Variants in SYT14 observed in about 807,000 individuals in gnomAD.
SYT14 encodes synaptotagmin-14.
A neutral mutation model predicts 74.2 loss-of-function variants in SYT14; 32 were observed. The ratio of observed to expected loss-of-function variants is 0.43; its 90% CI spans 0.33 to 0.58. SYT14 has a LOEUF of 0.58. Among genes scored for constraint, SYT14 ranks in the 20% least tolerant of loss-of-function variants. The pLI is 0.05. For missense variants in SYT14, 791 were observed against 981.8 expected (o/e 0.81, Z 2.60); for synonymous variants, 298 against 337.7 (o/e 0.88, Z 1.29).
chr1:209,948,298 C>G (rs1407532940), intron 1 of SYT14, among the ~76,000 whole-genome samples: 1 of 152,186 alleles, frequency 6.6e-6, no homozygotes, highest in Non-Finnish European at 1.5e-5. Context: ...ATCCCAGTTT[C>G]CAGTTACAGT....
chr1:210,088,875 T>G (rs1238273298), intron 5 of SYT14, among the ~76,000 whole-genome samples: 1 of 151,530 alleles, frequency 6.6e-6, no homozygotes, highest in East Asian at 1.9e-4. Flanking sequence ...ATCATTCTCT[T>G]CAGGATATTT....
At chr1:209,956,477 A>T (rs1572064584) in intron 2 of SYT14, among the ~76,000 whole-genome samples, 1 of 151,822 alleles carries the variant, frequency 6.6e-6, no homozygotes, top group African/African-American at 2.4e-5. Context: ...AGTGTGGGGG[A>T]AAAAAAGGGG....
chr1:210,025,224 C>T (rs1444960070), intron 5 of SYT14, among the ~76,000 whole-genome samples: 1 of 152,202 alleles, frequency 6.6e-6, no homozygotes, highest in Non-Finnish European at 1.5e-5. Context: ...GCTGCGTCTG[C>T]AGAAACTGCT....
At chr1:210,084,909 A>G (rs1249958872) in intron 5 of SYT14, among the ~76,000 whole-genome samples, 1 of 152,218 alleles carries the variant, frequency 6.6e-6, no homozygotes, top group Non-Finnish European at 1.5e-5. Flanking sequence ...CAAACCTGCA[A>G]TTCTCTAATC....
intron 3 of SYT14, among the ~76,000 whole-genome samples, chr1:210,014,109 G>A (rs1169933778): frequency 2.0e-5 from 3 of 152,122 alleles, no homozygotes; most frequent in Non-Finnish European, 4.4e-5. Flanking sequence ...GTTACTTTGT[G>A]TAGTGTACTT....
At chr1:210,110,293 A>G (rs1343753437) in intron 7 of SYT14, among the ~76,000 whole-genome samples, 3 of 152,188 alleles carry the variant, frequency 2.0e-5, no homozygotes, top group Non-Finnish European at 4.4e-5. Context: ...AGAAGATTGA[A>G]TCAAGGACCA....
intron 7 of SYT14, among the ~76,000 whole-genome samples, chr1:210,111,203 T>C (rs1037112589): frequency 1.3e-5 from 2 of 151,778 alleles, no homozygotes; most frequent in Non-Finnish European, 2.9e-5. Context: ...TGAAGGGAGA[T>C]AGGGGTGGGG....
At chr1:210,166,030 A>G (rs1043863012) in exon 10 of SYT14, 9 of 152,238 alleles carry the variant, frequency 5.9e-5, no homozygotes, top group Non-Finnish European at 1.3e-4. Context: ...ACAGAATGGG[A>G]TAATTTCAGG....
intron 2 of SYT14, among the ~76,000 whole-genome samples, chr1:209,977,353 C>G (rs991921043): frequency 6.6e-6 from 1 of 152,114 alleles, no homozygotes; most frequent in African/African-American, 2.4e-5. Flanking sequence ...CTGGTTGTTC[C>G]TTTCCATGTT....
intron 5 of SYT14, among the ~76,000 whole-genome samples, chr1:210,064,046 C>T (rs1042946964): frequency 6.6e-5 from 10 of 151,874 alleles, no homozygotes; most frequent in African/African-American, 1.7e-4. Context: ...TTTTAGTTAT[C>T]CCACACTAGT....
chr1:210,121,743 A>G (rs868530860), intron 7 of SYT14, among the ~76,000 whole-genome samples: 36 of 151,828 alleles, frequency 2.4e-4, no homozygotes, highest in East Asian at 9.7e-4. Flanking sequence ...GCAGTGAGCC[A>G]AGATCGCACC....
chr1:210,058,852 G>C (rs1363385327), intron 5 of SYT14, among the ~76,000 whole-genome samples: 1 of 152,170 alleles, frequency 6.6e-6, no homozygotes, highest in Admixed American at 6.5e-5. Flanking sequence ...CAAGGTGCTG[G>C]ATGGAGTAAA....
chr1:210,112,122 C>T (rs1183288040), intron 7 of SYT14, among the ~76,000 whole-genome samples: 1 of 151,274 alleles, frequency 6.6e-6, no homozygotes, highest in Admixed American at 6.6e-5. Flanking sequence ...ACTGCAGTGG[C>T]TTTCTCAGAC....
intron 2 of SYT14, among the ~76,000 whole-genome samples, chr1:210,008,919 T>G (rs2102904967): frequency 6.6e-6 from 1 of 152,330 alleles, no homozygotes; most frequent in East Asian, 1.9e-4. Flanking sequence ...TAATTGATGG[T>G]GTACAGCAGG....
chr1:210,075,146 G>A (rs946237550), intron 5 of SYT14, among the ~76,000 whole-genome samples: 38 of 152,208 alleles, frequency 2.5e-4, no homozygotes, highest in African/African-American at 7.9e-4. Context: ...ACTTGGCCTC[G>A]TCCAGCCAAA....
intron 7 of SYT14, among the ~76,000 whole-genome samples, chr1:210,121,618 C>T (rs1044423691): frequency 4.6e-5 from 7 of 151,980 alleles, no homozygotes; most frequent in South Asian, 2.1e-4. Context: ...CATGGTGAAA[C>T]TCTGTCTCTA....
chr1:210,117,461 A>G (rs1572332913), intron 7 of SYT14, among the ~76,000 whole-genome samples: 1 of 152,164 alleles, frequency 6.6e-6, no homozygotes, highest in Non-Finnish European at 1.5e-5. Context: ...AACAATTTGT[A>G]ATAAATACTT....
intron 1 of SYT14, among the ~76,000 whole-genome samples, chr1:209,947,930 C>T (rs2078848262): frequency 6.6e-6 from 1 of 152,142 alleles, no homozygotes; most frequent in African/African-American, 2.4e-5. Context: ...CCTTCGCCAG[C>T]AAAAAGATAG....
At chr1:210,066,373 C>T (rs61826851) in intron 5 of SYT14, among the ~76,000 whole-genome samples, 1 of 152,040 alleles carries the variant, frequency 6.6e-6, no homozygotes, top group Non-Finnish European at 1.5e-5. Flanking sequence ...TTTCTCCACA[C>T]CTTCTCCAGC....
Sources: gnomAD v4.1 joint callset for allele counts (sites outside exome capture counted in the v4.1 genomes callset) on GRCh38, gnomAD v4.1.1 for gene constraint, MANE v1.5 for transcripts, NCBI Gene and HGNC (gene_info 2026-07-23, HGNC 2026-07-21) for gene names.